SLC71A1: variants seen among roughly 807,000 people sequenced by gnomAD.
SLC71A1 encodes hippocampus abundant gene transcript 1.
the SLC71A1 span, among the ~76,000 whole-genome samples, chr1:100,039,164 A>C: frequency 3.9e-5 from 6 of 152,248 alleles, no homozygotes; most frequent in Admixed American, 6.5e-5. Flanking sequence ...AAACTGTTTT[A>C]TGCTAACATT....
the SLC71A1 span, among the ~76,000 whole-genome samples, chr1:100,065,457 CCCTTT>C: frequency 0.037 from 5,589 of 151,084 alleles, 170 homozygotes; most frequent in Non-Finnish European, 0.058. Context: ...CCTTCCCTTC[CCCTTT>C]CCTTTCCTTT....
chr1:100,074,270 T>C, the SLC71A1 span, among the ~76,000 whole-genome samples: 1 of 152,192 alleles, frequency 6.6e-6, no homozygotes, highest in East Asian at 1.9e-4. Flanking sequence ...ACTCATCTCA[T>C]GGCCTTAAGA....
the SLC71A1 span, among the ~76,000 whole-genome samples, chr1:100,048,189 ATTTT>A: frequency 7.2e-6 from 1 of 139,854 alleles, no homozygotes; most frequent in Admixed American, 7.1e-5. Context: ...TTTGTGGCCA[ATTTT>A]TTTTTTTTTT....
At chr1:100,059,144 GTTTTT>G in the SLC71A1 span, among the ~76,000 whole-genome samples, 36 of 75,422 alleles carry the variant, frequency 4.8e-4, no homozygotes, top group African/African-American at 1.9e-3. Flanking sequence ...TCTTTTTCGT[GTTTTT>G]TTTTTTTTTT....
chr1:100,073,615 T>C, the SLC71A1 span, among the ~76,000 whole-genome samples: 1 of 152,218 alleles, frequency 6.6e-6, no homozygotes, highest in Non-Finnish European at 1.5e-5. Context: ...CAACCTGGAA[T>C]ATCTTGTTAA....
the SLC71A1 span, among the ~76,000 whole-genome samples, chr1:100,045,639 C>T: frequency 1.3e-5 from 2 of 152,190 alleles, no homozygotes; most frequent in Non-Finnish European, 2.9e-5. Context: ...ATCAGGGATA[C>T]TGGGGTATCC....
the SLC71A1 span, chr1:100,082,967 AAT>A: frequency 6.6e-6 from 1 of 152,542 alleles, no homozygotes; most frequent in Non-Finnish European, 1.5e-5. Flanking sequence ...TTGAATACAT[AAT>A]CTAAAAATTA....
the SLC71A1 span, among the ~76,000 whole-genome samples, chr1:100,053,441 T>C: frequency 2.6e-5 from 4 of 152,236 alleles, no homozygotes; most frequent in African/African-American, 9.6e-5. Context: ...GTTTTTAACA[T>C]TCATTTTAAA....
chr1:100,059,144 G>GTGTGTTT, the SLC71A1 span, among the ~76,000 whole-genome samples: 1 of 75,416 alleles, frequency 1.3e-5, no homozygotes, highest in Non-Finnish European at 2.5e-5. Context: ...TCTTTTTCGT[G>GTGTGTTT]TTTTTTTTTT....
the SLC71A1 span, among the ~76,000 whole-genome samples, chr1:100,040,294 A>G: frequency 6.7e-6 from 1 of 150,206 alleles, no homozygotes; most frequent in African/African-American, 2.5e-5. Flanking sequence ...ATCAGAGGAT[A>G]TATTTCAATA....
At chr1:100,047,113 A>C in the SLC71A1 span, among the ~76,000 whole-genome samples, 1 of 152,206 alleles carries the variant, frequency 6.6e-6, no homozygotes, top group Non-Finnish European at 1.5e-5. Flanking sequence ...AAGAGTGGCG[A>C]AAGTGGGCAT....
the SLC71A1 span, chr1:100,038,300 T>G: frequency 6.4e-7 from 1 of 1,557,036 alleles, no homozygotes; most frequent in Non-Finnish European, 8.7e-7. Context: ...AAGATCATCA[T>G]TAAGGACGGA....
chr1:100,061,151 GATT>G, the SLC71A1 span, among the ~76,000 whole-genome samples: 1 of 152,060 alleles, frequency 6.6e-6, no homozygotes, highest in Admixed American at 6.6e-5. Context: ...AGCTCATTAT[GATT>G]ATATGTGATT....
chr1:100,081,314 C>A, the SLC71A1 span, among the ~76,000 whole-genome samples: 3 of 152,148 alleles, frequency 2.0e-5, no homozygotes, highest in Admixed American at 2.0e-4. Flanking sequence ...CTTCTTGAAA[C>A]AAAGAAATGG....
the SLC71A1 span, among the ~76,000 whole-genome samples, chr1:100,067,074 G>A: frequency 8.6e-5 from 13 of 150,328 alleles, no homozygotes; most frequent in African/African-American, 2.2e-4. Context: ...CTGGCTTCAC[G>A]CAGTCCTCCC....
chr1:100,038,449 C>T, the SLC71A1 span: 3 of 758,382 alleles, frequency 4.0e-6, no homozygotes, highest in East Asian at 2.7e-5. Context: ...CTGCCGGTGC[C>T]TCGGGGTCGC....
chr1:100,045,824 A>ATAAG, the SLC71A1 span, among the ~76,000 whole-genome samples: 4 of 152,132 alleles, frequency 2.6e-5, no homozygotes, highest in African/African-American at 9.6e-5. Flanking sequence ...AAATAAATAA[A>ATAAG]TAAATAAATA....
At chr1:100,057,183 A>G in the SLC71A1 span, among the ~76,000 whole-genome samples, 1 of 152,106 alleles carries the variant, frequency 6.6e-6, no homozygotes, top group African/African-American at 2.4e-5. Context: ...TCATTTGTCC[A>G]TTCTCACTTT....
At chr1:100,039,393 A>G in the SLC71A1 span, among the ~76,000 whole-genome samples, 7 of 152,224 alleles carry the variant, frequency 4.6e-5, no homozygotes, top group Non-Finnish European at 1.0e-4. Context: ...ATTCAGTTGA[A>G]AAACGTGACA....
Sources: allele counts gnomAD v4.1 joint callset (sites outside exome capture counted in the v4.1 genomes callset), GRCh38; gene constraint gnomAD v4.1.1; transcripts MANE v1.5; gene names NCBI Gene and HGNC (gene_info 2026-07-23, HGNC 2026-07-21).